ATF1: variants seen among roughly 807,000 people sequenced by gnomAD.
The protein encoded by ATF1 is cyclic AMP-dependent transcription factor ATF-1.
In ATF1, 16 loss-of-function variants were observed where a neutral mutation model predicts 34.7. That is an observed-to-expected ratio of 0.46 (90% CI 0.31 to 0.70). ATF1 has a LOEUF of 0.70. Among genes scored for constraint, ATF1 ranks in the 30% least tolerant of loss-of-function variants. ATF1 has a pLI of 0.05. For synonymous variants in ATF1, 105 were observed against 113.1 expected, an observed-to-expected ratio of 0.93 and a Z score of 0.46; for missense variants, 255 against 321.6, an observed-to-expected ratio of 0.79 and a Z score of 1.58.
chr12:50,785,219 C>A (rs1941158283), intron 2 of ATF1, among the ~76,000 whole-genome samples: 1 of 147,552 alleles, frequency 6.8e-6, no homozygotes, highest in Non-Finnish European at 1.5e-5. Context: ...CCCAGGAGTT[C>A]CAGACCAGCC....
At position 50,795,958 on chromosome 12, in the gene ATF1, T is replaced by C; in HGVS notation, c.143T>C (p.Ile48Thr). The C allele has an allele frequency of 6.2e-7, 1 of 1,613,108 alleles. No individual in the cohort carries two copies. The highest frequency in any genetic ancestry group is 8.5e-7 in the Non-Finnish European group (1 of 1,179,764). Residue 48 changes from isoleucine to threonine, a missense_variant, in exon 3 of 7, where the codon ATA (isoleucine) becomes ACA (threonine). By Grantham distance (89) the Ile-to-Thr change is moderately conservative. Coordinates refer to ENST00000262053, the MANE Select transcript of ATF1 (RefSeq NM_005171.5). ...GAGTCCCAGGACTCATCCGACAGCA[T>C]AGGCTCCTCACAGAAAGCCCACGGG... ...SEESQDSSDS[I>T]GSSQKAHGIL...
intron 4 of ATF1, among the ~76,000 whole-genome samples, chr12:50,812,475 T>A (rs2139693475): frequency 6.6e-6 from 1 of 152,310 alleles, no homozygotes; most frequent in South Asian, 2.1e-4. Context: ...TGTGTATGTG[T>A]ATATATGTAT....
chr12:50,801,784 C>G (rs1472237867), intron 3 of ATF1, among the ~76,000 whole-genome samples: 1 of 152,158 alleles, frequency 6.6e-6, no homozygotes, highest in Non-Finnish European at 1.5e-5. Context: ...CATGATAAAA[C>G]TGCTCAACAA....
intron 3 of ATF1, chr12:50,806,401 A>G (rs1017742638): frequency 1.2e-5 from 6 of 502,944 alleles, no homozygotes; most frequent in Admixed American, 8.1e-5. Context: ...AGTTATCAGC[A>G]GGATGCTGAC....
intron 2 of ATF1, among the ~76,000 whole-genome samples, chr12:50,790,978 A>T (rs1046094416): frequency 3.3e-5 from 3 of 90,338 alleles, no homozygotes; most frequent in African/African-American, 8.8e-5. Flanking sequence ...TGGCTGGAAC[A>T]AACAGTAAAA....
At chr12:50,790,745 G>A (rs774622448) in intron 2 of ATF1, among the ~76,000 whole-genome samples, 27 of 151,756 alleles carry the variant, frequency 1.8e-4, no homozygotes, top group South Asian at 6.2e-4. Flanking sequence ...ATGATTAGCC[G>A]TCCTGCTTGC....
chr12:50,803,268 C>CAA (rs36003561), intron 3 of ATF1, among the ~76,000 whole-genome samples: 54 of 133,992 alleles, frequency 4.0e-4, no homozygotes, highest in African/African-American at 7.1e-4. Context: ...AACTCTGTCT[C>CAA]AAAAAAAAAA....
chr12:50,814,025 A>G lies in ATF1; in HGVS notation c.344A>G (p.Asn115Ser). Residue 115 changes from asparagine to serine, a missense_variant, in exon 5 of 7, where the codon AAT becomes AGT. Asn to Ser is a conservative substitution (Grantham distance 46). Coordinates refer to ENST00000262053, the MANE Select transcript of ATF1 (RefSeq NM_005171.5). Reference protein sequence around the residue: ...SSGQYIAIAPNGALQLASPGT... With the variant: ...SSGQYIAIAPSGALQLASPGT... ...TTGATTAAAGTTGCCATTGCCCCAA[A>G]TGGAGCCTTACAGTTGGCAAGTCCA... The G allele has an allele frequency of 6.2e-7, 1 of 1,612,912 alleles. No homozygotes were observed.
chr12:50,809,630 A>C, intron 4 of ATF1, 41 bp downstream of exon 4: 1 of 1,551,840 alleles, frequency 6.4e-7, no homozygotes, highest in Non-Finnish European at 8.8e-7. Flanking sequence ...AACACACAAA[A>C]CCTGACTTTT....
intron 4 of ATF1, among the ~76,000 whole-genome samples, chr12:50,811,630 G>GAAA (rs11464441): frequency 1.4e-4 from 10 of 72,928 alleles, no homozygotes; most frequent in Non-Finnish European, 2.2e-4. Context: ...GAAAAATGAA[G>GAAA]AAAAAAAAAA....
intron 1 of ATF1, among the ~76,000 whole-genome samples, chr12:50,774,712 A>C (rs1565900166): frequency 6.6e-6 from 1 of 151,344 alleles, no homozygotes; most frequent in Non-Finnish European, 1.5e-5. Context: ...AAACTATAAA[A>C]TTTTTATTTT....
chr12:50,818,846 T>C (rs1422905464), intron 6 of ATF1, among the ~76,000 whole-genome samples: 3 of 152,218 alleles, frequency 2.0e-5, no homozygotes, highest in Admixed American at 2.0e-4. Context: ...CCTCAGGTGA[T>C]CTGCCCGCCT....
At position 50,819,724 on chromosome 12, in the gene ATF1, C is replaced by T. The variant is rs1010348375; in HGVS notation, c.761C>T (p.Thr254Ile). ...RVAVLENQNK[T>I]LIEELKTLKD... Reference sequence around the variant, plus strand: ...GCAGTCCTGGAAAATCAAAATAAAACTCTAATAGAAGAGTTAAAAACTTTG... The same window carrying T: ...GCAGTCCTGGAAAATCAAAATAAAATTCTAATAGAAGAGTTAAAAACTTTG... The change falls in exon 7 of 7, where the codon ACT becomes ATT. Residue 254 changes from threonine to isoleucine, a missense_variant. Around this residue, in one of 2 missense-constraint regions of ATF1, gnomAD observed 34 missense variants for 70.8 expected, o/e 0.48. Coordinates refer to ENST00000262053, the MANE Select transcript of ATF1 (RefSeq NM_005171.5). 4 of 1,603,716 alleles carry T rather than the reference C, an allele frequency of 2.5e-6. No homozygotes were observed. Among genetic ancestry groups the T allele is most frequent in the African/African-American group, 1.3e-5 (1 of 74,554 alleles).
chr12:50,788,290 CT>C (rs763836185), intron 2 of ATF1: 8 of 447,006 alleles, frequency 1.8e-5, no homozygotes, highest in South Asian at 1.3e-4. Flanking sequence ...TCAAGCAATC[CT>C]CCTGCCTCAG....
At chr12:50,778,330 A>C (rs1430622576) in intron 1 of ATF1, among the ~76,000 whole-genome samples, 1 of 143,040 alleles carries the variant, frequency 7.0e-6, no homozygotes, top group African/African-American at 2.6e-5. Flanking sequence ...GGTTCAAATG[A>C]TTCTCCTGCC....
intron 1 of ATF1, among the ~76,000 whole-genome samples, chr12:50,769,302 T>G (rs1036134294): frequency 6.6e-6 from 1 of 152,058 alleles, no homozygotes; most frequent in African/African-American, 2.4e-5. Context: ...GTTAGGAGTT[T>G]GAGACCAGTC....
chr12:50,780,048 C>A, intron 1 of ATF1, 92 bp from the exon 2 acceptor site: 1 of 866,448 alleles, frequency 1.2e-6, no homozygotes, highest in Non-Finnish European at 1.7e-6. Context: ...TCCATTGAGG[C>A]AACTAAATGA....
rs528026728 is a variant in ATF1 at position 50,768,614 on chromosome 12, A to G, written c.-7+4307A>G. ...TCATCATCTGTCTTTCTGTGTAGCT[A>G]TATAGGTGTCGTGTGTAATATTTAT... On this transcript the variant is annotated intron_variant, in intron 1 of 6. Transcript: ENST00000262053. Among the ~76,000 whole-genome samples the G allele has an allele frequency of 6.6e-5, 10 of 152,282 alleles. No homozygotes were observed. The East Asian group carries it at 1.7e-3, about 26-fold the overall frequency.
At chr12:50,784,440 G>A (rs565145230) in intron 2 of ATF1, among the ~76,000 whole-genome samples, 69 of 152,232 alleles carry the variant, frequency 4.5e-4, no homozygotes, top group African/African-American at 1.6e-3. Flanking sequence ...TCAATTATAT[G>A]GACCAACAGT....
Sources: allele counts gnomAD v4.1 joint callset (sites outside exome capture counted in the v4.1 genomes callset), GRCh38; gene constraint gnomAD v4.1.1; regional missense constraint gnomAD v4.1.1; transcripts MANE v1.5; gene names NCBI Gene and HGNC (gene_info 2026-07-23, HGNC 2026-07-21).